Variants in GALNT13 observed in about 807,000 individuals in gnomAD.
GALNT13 encodes the protein UDP-GalNAc:polypeptide N-acetylgalactosaminyltransferase 13.
Under a neutral mutation model 64.2 loss-of-function variants are expected in GALNT13, and 28 were observed. The observed-to-expected ratio is 0.44, with a 90% confidence interval of 0.32 to 0.60. GALNT13 has a LOEUF of 0.60. GALNT13 is among the 20% of genes least tolerant of loss of function. The probability of loss-of-function intolerance (pLI) is 0.05; values close to 1 mark genes in which losing one functional copy is unlikely to be tolerated. For synonymous variants in GALNT13, 214 were observed against 224.6 expected (o/e 0.95, Z 0.42); for missense variants, 577 against 669.8 (o/e 0.86, Z 1.53).
At chr2:154,383,703 ATTC>A (rs2105336695) in intron 9 of GALNT13, among the ~76,000 whole-genome samples, 1 of 152,038 alleles carries the variant, frequency 6.6e-6, no homozygotes, top group African/African-American at 2.4e-5. Context: ...CTGTTATGAT[ATTC>A]TTTTATCAAT....
At chr2:154,417,977 T>G (rs1700096584) in intron 11 of GALNT13, among the ~76,000 whole-genome samples, 1 of 152,172 alleles carries the variant, frequency 6.6e-6, no homozygotes, top group South Asian at 2.1e-4. Context: ...TTTCTCAATA[T>G]TTTATTCTTT....
chr2:153,445,384 A>G, the GALNT13 span, among the ~76,000 whole-genome samples: 6 of 152,098 alleles, frequency 3.9e-5, no homozygotes, highest in African/African-American at 1.4e-4. Flanking sequence ...GGAAAATATA[A>G]TGAGTTTTTT....
chr2:153,817,410 C>G, the GALNT13 span, among the ~76,000 whole-genome samples: 1 of 152,324 alleles, frequency 6.6e-6, no homozygotes, highest in African/African-American at 2.4e-5. Flanking sequence ...ATCTGATCAT[C>G]CTTCATATCT....
At chr2:154,208,964 A>G (rs569334526) in intron 4 of GALNT13, among the ~76,000 whole-genome samples, 1 of 152,232 alleles carries the variant, frequency 6.6e-6, no homozygotes, top group Non-Finnish European at 1.5e-5. Flanking sequence ...TTAAGGATTC[A>G]GTAAGTAGGT....
the GALNT13 span, chr2:153,370,845 A>T: frequency 6.3e-6 from 1 of 158,820 alleles, no homozygotes; most frequent in East Asian, 1.8e-4. Context: ...CCTTGACCAT[A>T]GAGTTGGCCA....
chr2:153,903,362 G>A (rs928871325), intron 2 of GALNT13, among the ~76,000 whole-genome samples: 1 of 152,026 alleles, frequency 6.6e-6, no homozygotes, highest in African/African-American at 2.4e-5. Context: ...AGCATATGGA[G>A]TATCTCTTTT....
intron 2 of GALNT13, among the ~76,000 whole-genome samples, chr2:153,901,337 A>G (rs910193751): frequency 1.3e-5 from 2 of 152,144 alleles, no homozygotes; most frequent in Non-Finnish European, 1.5e-5. Flanking sequence ...ATTATAAAAT[A>G]GTTTTTCCTA....
At chr2:154,015,576 T>G (rs1038158344) in intron 3 of GALNT13, among the ~76,000 whole-genome samples, 4 of 152,244 alleles carry the variant, frequency 2.6e-5, no homozygotes, top group African/African-American at 9.6e-5. Flanking sequence ...TTTTCCCATT[T>G]TATTCTGAGT....
At chr2:153,213,244 G>A in the GALNT13 span, among the ~76,000 whole-genome samples, 1 of 152,192 alleles carries the variant, frequency 6.6e-6, no homozygotes, top group African/African-American at 2.4e-5. Flanking sequence ...AAGTCCCATG[G>A]GGGTTGTGGA....
intron 3 of GALNT13, among the ~76,000 whole-genome samples, chr2:154,019,347 A>T (rs920267038): frequency 2.0e-5 from 3 of 152,148 alleles, no homozygotes; most frequent in East Asian, 1.9e-4. Context: ...TGAAAAATAC[A>T]TACATGGCCA....
At chr2:153,716,669 C>G in the GALNT13 span, among the ~76,000 whole-genome samples, 1 of 152,090 alleles carries the variant, frequency 6.6e-6, no homozygotes, top group East Asian at 1.9e-4. Flanking sequence ...CAATGACCAC[C>G]AAAGACCTTT....
At chr2:153,132,801 C>T in the GALNT13 span, among the ~76,000 whole-genome samples, 2 of 152,096 alleles carry the variant, frequency 1.3e-5, no homozygotes, top group African/African-American at 2.4e-5. Flanking sequence ...CTTACTGTAG[C>T]TTCAACCTCC....
the GALNT13 span, among the ~76,000 whole-genome samples, chr2:153,600,383 A>C: frequency 6.6e-6 from 1 of 151,986 alleles, no homozygotes; most frequent in African/African-American, 2.4e-5. Context: ...CTTTTTGTAA[A>C]TATCTAAATA....
At chr2:153,594,330 C>A in the GALNT13 span, among the ~76,000 whole-genome samples, 1 of 152,058 alleles carries the variant, frequency 6.6e-6, no homozygotes, top group Admixed American at 6.6e-5. Flanking sequence ...ATTAAAAATT[C>A]TAGGGCTTAA....
chr2:153,593,934 G>C, the GALNT13 span, among the ~76,000 whole-genome samples: 1 of 152,062 alleles, frequency 6.6e-6, no homozygotes, highest in Admixed American at 6.5e-5. Flanking sequence ...CCATGAAAAG[G>C]GCTTCTTTTT....
chr2:154,424,379 A>C (rs894165822), intron 11 of GALNT13, among the ~76,000 whole-genome samples: 2 of 152,206 alleles, frequency 1.3e-5, no homozygotes, highest in African/African-American at 4.8e-5. Flanking sequence ...TTGCAAAAAA[A>C]GAATAATACT....
At chr2:154,165,783 G>C (rs1459689952) in intron 4 of GALNT13, among the ~76,000 whole-genome samples, 1 of 152,142 alleles carries the variant, frequency 6.6e-6, no homozygotes, top group East Asian at 1.9e-4. Context: ...ATTAGACCAA[G>C]ATCTGGACTC....
intron 3 of GALNT13, among the ~76,000 whole-genome samples, chr2:154,054,599 G>A (rs1338756711): frequency 6.6e-6 from 1 of 151,876 alleles, no homozygotes; most frequent in Non-Finnish European, 1.5e-5. Context: ...TATATGCACA[G>A]TCTCCCCAAA....
chr2:153,734,200 C>T, the GALNT13 span, among the ~76,000 whole-genome samples: 1 of 152,128 alleles, frequency 6.6e-6, no homozygotes, highest in Non-Finnish European at 1.5e-5. Context: ...GTCCTCTCTT[C>T]TGCACTGTAA....
Sources: allele counts gnomAD v4.1 joint callset (sites outside exome capture counted in the v4.1 genomes callset), GRCh38; gene constraint gnomAD v4.1.1; transcripts MANE v1.5; gene names NCBI Gene and HGNC (gene_info 2026-07-23, HGNC 2026-07-21).